CFAP47: variants seen among roughly 807,000 people sequenced by gnomAD.
CFAP47 encodes cilia- and flagella-associated protein 47.
Under a neutral mutation model 148.1 loss-of-function variants are expected in CFAP47, and 29 were observed. The observed-to-expected ratio is 0.20, with a 90% CI of 0.15 to 0.27. CFAP47 has a LOEUF of 0.27. CFAP47 is among the 10% of genes least tolerant of loss of function. The pLI is 1.00. For synonymous variants in CFAP47, 664 were observed against 577.3 expected, an observed-to-expected ratio of 1.15 and a Z score of -2.15; for missense variants, 1,872 against 1,697.5, an observed-to-expected ratio of 1.10 and a Z score of -1.81.
At chrX:36,200,166 A>C (rs782624388) in intron 42 of CFAP47, among the ~76,000 whole-genome samples, 1 of 111,962 alleles carries the variant, frequency 8.9e-6, no homozygotes, top group South Asian at 3.6e-4. Context: ...CTTCTTAAGC[A>C]ATCCCTGTGC....
intron 22 of CFAP47, among the ~76,000 whole-genome samples, chrX:36,023,868 C>T (rs367553276): frequency 4.5e-5 from 5 of 112,014 alleles, no homozygotes; most frequent in South Asian, 3.7e-4. Flanking sequence ...GGGCTCCCCC[C>T]GGCCCAGGGC....
intron 46 of CFAP47, among the ~76,000 whole-genome samples, chrX:36,230,779 A>C (rs1602057563): frequency 1.9e-5 from 2 of 106,781 alleles, no homozygotes; most frequent in African/African-American, 7.1e-5. Context: ...TCTTGAATTA[A>C]TTTTTGTATA....
At chrX:36,156,361 T>G (rs1343732329) in intron 37 of CFAP47, among the ~76,000 whole-genome samples, 2 of 111,499 alleles carry the variant, frequency 1.8e-5, no homozygotes, top group African/African-American at 6.5e-5. Context: ...TCAGACATAT[T>G]ACTTATATAG....
At chrX:36,278,390 G>A (rs868962597) in intron 49 of CFAP47, among the ~76,000 whole-genome samples, 23 of 113,005 alleles carry the variant, frequency 2.0e-4, no homozygotes, top group Middle Eastern at 4.6e-3. Flanking sequence ...CGTGGGACCC[G>A]CCAAGCCAGT....
Position 35,993,314 on chromosome X carries a change from G to T in CFAP47, c.3092G>T (p.Arg1031Ile). Reference sequence around the variant, plus strand: ...ACTGTGGCAGAAAAGTTTGATACAAGAGCAAAGGTATGTCCATACATATGA... The same window carrying T: ...ACTGTGGCAGAAAAGTTTGATACAATAGCAAAGGTATGTCCATACATATGA... ...KPTVAEKFDT[R>I]AKVSIRHANV... Residue 1031 changes from arginine to isoleucine, a missense_variant, in exon 18 of 64, where the codon AGA (arginine) becomes ATA (isoleucine). By Grantham distance (97) the Arg-to-Ile change is moderately conservative (BLOSUM62 -3). Coordinates refer to ENST00000378653, the MANE Select transcript of CFAP47 (RefSeq NM_001304548.2). The T allele has an allele frequency of 3.4e-6, 1 of 294,639 alleles. No individual in the cohort carries two copies. Among genetic ancestry groups the T allele is most frequent in the East Asian group, 4.8e-5 (1 of 20,826 alleles). 24.3% of individuals were successfully genotyped at this position (294,639 alleles called of 1,213,427 possible). A position where few individuals can be genotyped will look rare whatever the true frequency, so the allele number is the denominator to read the frequency against.
At chrX:36,018,802 CTT>C (rs1334081242) in intron 22 of CFAP47, among the ~76,000 whole-genome samples, 5 of 97,938 alleles carry the variant, frequency 5.1e-5, no homozygotes, top group Non-Finnish European at 6.3e-5. Context: ...CCTGTCCTAT[CTT>C]TTTTTTTTTT....
intron 45 of CFAP47, among the ~76,000 whole-genome samples, chrX:36,224,039 A>C (rs980783303): frequency 4.5e-5 from 5 of 111,341 alleles, no homozygotes; most frequent in Non-Finnish European, 9.4e-5. Context: ...AATTGTTTTA[A>C]AAATTGATGT....
At chrX:36,244,692 C>T (rs1305505593) in intron 48 of CFAP47, among the ~76,000 whole-genome samples, 1 of 111,103 alleles carries the variant, frequency 9.0e-6, no homozygotes, top group African/African-American at 3.3e-5. Context: ...AATGTGAAGA[C>T]CTGAACAGAC....
intron 40 of CFAP47, among the ~76,000 whole-genome samples, chrX:36,184,398 C>A (rs916035111): frequency 9.0e-6 from 1 of 110,852 alleles, no homozygotes; most frequent in Admixed American, 9.7e-5. Context: ...ATACAAACTG[C>A]AGGGCCAATA....
intron 46 of CFAP47, among the ~76,000 whole-genome samples, chrX:36,231,403 G>A (rs1225005273): frequency 9.4e-6 from 1 of 106,937 alleles, no homozygotes; most frequent in Non-Finnish European, 1.9e-5. Flanking sequence ...TCATGATTTG[G>A]CTCTCTGTTT....
In CFAP47 at chrX:36,254,140, C is replaced by G. The variant is rs6632542; in HGVS notation, c.7444+2696C>G. Among the ~76,000 whole-genome samples the G allele has an allele frequency of 4.3e-4, 48 of 111,232 alleles. No homozygotes were observed. In the East Asian group the frequency reaches 0.013, roughly 30 times the overall value. On this transcript the variant is annotated intron_variant, in intron 49 of 63. Coordinates refer to ENST00000378653, the MANE Select transcript of CFAP47 (RefSeq NM_001304548.2). The stretch of plus-strand genomic sequence containing the variant: ...AAGTTTAATTATAGCACTGGGGAGC[C>G]TGATGGAAGGAAATATTAATCCCAA...
At chrX:36,111,952 C>A (rs1938562610) in intron 33 of CFAP47, among the ~76,000 whole-genome samples, 1 of 110,927 alleles carries the variant, frequency 9.0e-6, no homozygotes, top group South Asian at 3.8e-4. Flanking sequence ...GTGACTGATA[C>A]CCTTTGTAAT....
chrX:36,318,673 C>G (rs1941455469), intron 56 of CFAP47, among the ~76,000 whole-genome samples: 1 of 112,110 alleles, frequency 8.9e-6, no homozygotes, highest in Non-Finnish European at 1.9e-5. Context: ...GATTTTCAAT[C>G]TGCCTTTGGT....
Position 36,056,582 on chromosome X carries a change from C to T in CFAP47, c.4218-9061C>T, listed in dbSNP as rs1343315514. ...GATACAGCTTGCTATAATGGGTGAT[C>T]ACAACTGTTAGATTTTTTTATGATT... On this transcript the variant is annotated intron_variant, in intron 26 of 63. Transcript: ENST00000378653. Among the ~76,000 whole-genome samples the T allele has an allele frequency of 3.6e-5, 4 of 112,088 alleles. No homozygotes were observed. The Admixed American group carries it at 3.8e-4, about 11-fold the overall frequency.
intron 62 of CFAP47, among the ~76,000 whole-genome samples, chrX:36,371,542 CATATGTGTATAT>C (rs1276858182): frequency 2.3e-4 from 23 of 98,951 alleles, no homozygotes; most frequent in South Asian, 1.4e-3. Context: ...TATGTGTATA[CATATGTGTATAT>C]ATATGTGTAT....
chrX:36,347,785 TG>T (rs1384136721), intron 57 of CFAP47, among the ~76,000 whole-genome samples: 1 of 107,661 alleles, frequency 9.3e-6, no homozygotes, highest in Non-Finnish European at 1.9e-5. Flanking sequence ...TGTTGTGGGG[TG>T]GGGGGCTAGG....
intron 56 of CFAP47, among the ~76,000 whole-genome samples, chrX:36,314,746 A>G (rs1158002621): frequency 8.9e-6 from 1 of 111,852 alleles, no homozygotes; most frequent in African/African-American, 3.2e-5. Context: ...AGAGAGAGAG[A>G]GAGGCAAAAG....
At chrX:36,275,415 C>CGTGTGTGTGTGTGTGTGT (rs35781816) in intron 49 of CFAP47, among the ~76,000 whole-genome samples, 3 of 87,716 alleles carry the variant, frequency 3.4e-5, no homozygotes, top group African/African-American at 1.3e-4. Flanking sequence ...GTGAGATCGT[C>CGTGTGTGTGTGTGTGTGT]GTGTGTGTGT....
intron 4 of CFAP47, among the ~76,000 whole-genome samples, chrX:35,948,712 A>G (rs1936120263): frequency 9.0e-6 from 1 of 111,581 alleles, no homozygotes; most frequent in Admixed American, 9.6e-5. Context: ...GGCTCCACTA[A>G]CAAGGTGATA....
Sources: gnomAD v4.1 joint callset for allele counts (sites outside exome capture counted in the v4.1 genomes callset) on GRCh38, gnomAD v4.1.1 for gene constraint, MANE v1.5 for transcripts, NCBI Gene and HGNC (gene_info 2026-07-23, HGNC 2026-07-21) for gene names.